SCAPER: variants seen among roughly 807,000 people sequenced by gnomAD.
The protein encoded by SCAPER is S-phase cyclin A associated protein in the ER.
In SCAPER, 98 loss-of-function variants were observed where a neutral mutation model predicts 182.2. The ratio of observed to expected loss-of-function variants is 0.54; its 90% confidence interval spans 0.46 to 0.64. The LOEUF (loss-of-function observed/expected upper bound fraction) is 0.64, where lower values mean the gene tolerates loss of function less well. Among genes scored for constraint, SCAPER ranks in the 30% least tolerant of loss-of-function variants. SCAPER has a pLI of 0.00. For synonymous variants in SCAPER, 605 were observed against 564.6 expected (o/e 1.07, Z -1.01); for missense variants, 1,432 against 1,690.0 (o/e 0.85, Z 2.68).
intron 25 of SCAPER, among the ~76,000 whole-genome samples, chr15:76,453,625 T>A (rs538491225): frequency 6.6e-6 from 1 of 152,358 alleles, no homozygotes; most frequent in South Asian, 2.1e-4. Flanking sequence ...TAACTGATAC[T>A]GTTTACTTTG....
At chr15:76,837,580 T>C (rs1378441098) in intron 5 of SCAPER, among the ~76,000 whole-genome samples, 4 of 152,178 alleles carry the variant, frequency 2.6e-5, no homozygotes, top group African/African-American at 2.4e-5. Context: ...TCCCACGATA[T>C]GTGGAGATTA....
At chr15:76,839,555 A>G (rs559622577) in intron 5 of SCAPER, among the ~76,000 whole-genome samples, 1 of 152,368 alleles carries the variant, frequency 6.6e-6, no homozygotes, top group African/African-American at 2.4e-5. Flanking sequence ...AGAAGAGTAG[A>G]ATATAAAAAT....
Position 76,439,945 on chromosome 15 carries a change from A to G in SCAPER, c.3079-5635T>C, listed in dbSNP as rs115747685. 2.4e-3 allele frequency among the ~76,000 whole-genome samples: 366 copies of G among 152,344 alleles called. 2 individuals are homozygous for G. The highest frequency in any genetic ancestry group is 8.6e-3 in the African/African-American group (357 of 41,578). ...TATTTCCTTTAGAATATTTCTTTAG[A>G]ATACACTAGAGTGGTCATTATCTTA... is the stretch of plus-strand genomic sequence containing the variant. On this transcript the variant is annotated intron_variant, in intron 25 of 31. Coordinates refer to ENST00000563290, the MANE Select transcript of SCAPER (RefSeq NM_020843.4).
intron 2 of SCAPER, among the ~76,000 whole-genome samples, chr15:76,871,847 T>G (rs1468064295): frequency 6.6e-6 from 1 of 152,092 alleles, no homozygotes; most frequent in African/African-American, 2.4e-5. Context: ...CGCCTCAGCC[T>G]CCCAAAGTGC....
At chr15:76,526,300 T>C (rs1447556064) in intron 23 of SCAPER, among the ~76,000 whole-genome samples, 2 of 152,202 alleles carry the variant, frequency 1.3e-5, no homozygotes, top group African/African-American at 2.4e-5. Flanking sequence ...TTTGAACATA[T>C]TGCTGTATTG....
chr15:76,461,766 TTCTTTC>T (rs1238489164), intron 25 of SCAPER, among the ~76,000 whole-genome samples: 1 of 152,182 alleles, frequency 6.6e-6, no homozygotes, highest in Non-Finnish European at 1.5e-5. Flanking sequence ...AATGCACATC[TTCTTTC>T]TCTTTATGTC....
In SCAPER at chr15:76,883,547, T is replaced by C. The variant is rs1320465476; in HGVS notation, c.6+265A>G. On this transcript the variant is annotated intron_variant, in intron 2 of 31. Coordinates refer to ENST00000563290, the MANE Select transcript of SCAPER (RefSeq NM_020843.4). ...CATCCATTGATTTGTAACTATTTAA[T>C]ATTAAGAAATTTTAAAAGCTGGCTT... 5.3e-5 allele frequency among the ~76,000 whole-genome samples: 8 copies of C among 152,198 alleles called. 1 individual carries two copies. In the South Asian group the frequency reaches 1.2e-3, roughly 24 times the overall value.
chr15:76,746,994 T>A (rs2061829641), intron 15 of SCAPER, among the ~76,000 whole-genome samples: 1 of 152,194 alleles, frequency 6.6e-6, no homozygotes, highest in South Asian at 2.1e-4. Context: ...TTTTTGCAGA[T>A]ACGAAAAACC....
rs77909158 is a variant in SCAPER at position 76,690,511 on chromosome 15, G to A, written c.2508+11247C>T. 7.9e-3 allele frequency among the ~76,000 whole-genome samples: 1,202 copies of A among 152,206 alleles called. 11 individuals are homozygous for A. The highest frequency in any genetic ancestry group is 0.027 in the African/African-American group (1,141 of 41,544). ...AAATCCAAATAAAGTCTGGTGTTTA[G>A]TTATATTAATGTACCACTGTTTATT... On this transcript the variant is annotated intron_variant, in intron 20 of 31. Transcript: ENST00000563290.
intron 8 of SCAPER, among the ~76,000 whole-genome samples, chr15:76,792,211 C>T (rs2065047685): frequency 6.6e-6 from 1 of 152,036 alleles, no homozygotes; most frequent in Non-Finnish European, 1.5e-5. Context: ...GACTTTCATC[C>T]TCACTTCTTC....
intron 14 of SCAPER, among the ~76,000 whole-genome samples, chr15:76,758,628 G>A (rs777515306): frequency 2.6e-5 from 4 of 152,072 alleles, no homozygotes; most frequent in Non-Finnish European, 5.9e-5. Flanking sequence ...AAAAACAAAT[G>A]GTTGGGATTT....
intron 25 of SCAPER, among the ~76,000 whole-genome samples, chr15:76,466,507 G>C (rs1315216604): frequency 7.4e-6 from 1 of 135,648 alleles, no homozygotes; most frequent in African/African-American, 2.7e-5. Context: ...AGCTCATACA[G>C]CATCTTTATG....
chr15:76,481,769 T>C (rs542962080), intron 24 of SCAPER, among the ~76,000 whole-genome samples: 5 of 152,234 alleles, frequency 3.3e-5, no homozygotes, highest in Non-Finnish European at 7.3e-5. Context: ...CCTAAGTGTG[T>C]ATCTCCAGCA....
chr15:76,654,402 C>T (rs1368149534), intron 21 of SCAPER, among the ~76,000 whole-genome samples: 1 of 151,936 alleles, frequency 6.6e-6, no homozygotes, highest in South Asian at 2.1e-4. Flanking sequence ...AGCGAGACTC[C>T]GTCTCAAAAC....
chr15:76,697,420 G>A (rs2058708643), intron 20 of SCAPER, among the ~76,000 whole-genome samples: 1 of 152,052 alleles, frequency 6.6e-6, no homozygotes, highest in African/African-American at 2.4e-5. Flanking sequence ...AACCATAATG[G>A]CTAAACATAA....
At chr15:76,613,377 C>T (rs551767586) in intron 22 of SCAPER, among the ~76,000 whole-genome samples, 14 of 152,214 alleles carry the variant, frequency 9.2e-5, no homozygotes, top group South Asian at 2.1e-4. Context: ...GATTTCATGA[C>T]GAAGACACCA....
intron 25 of SCAPER, among the ~76,000 whole-genome samples, chr15:76,452,901 G>C (rs2048471780): frequency 6.6e-6 from 1 of 151,856 alleles, no homozygotes; most frequent in African/African-American, 2.4e-5. Flanking sequence ...TGCAATTATA[G>C]CCTACTGCAA....
intron 26 of SCAPER, among the ~76,000 whole-genome samples, chr15:76,409,080 G>A (rs1361004194): frequency 1.3e-5 from 2 of 152,056 alleles, no homozygotes; most frequent in African/African-American, 4.8e-5. Context: ...TTTCTAAATT[G>A]CCTATGTCTT....
chr15:76,690,392 C>G (rs2058288291), intron 20 of SCAPER, among the ~76,000 whole-genome samples: 1 of 151,994 alleles, frequency 6.6e-6, no homozygotes, highest in Non-Finnish European at 1.5e-5. Context: ...TGTCACAAAC[C>G]AGAGAGTACC....
Sources: allele counts gnomAD v4.1 joint callset (sites outside exome capture counted in the v4.1 genomes callset), GRCh38; gene constraint gnomAD v4.1.1; transcripts MANE v1.5; gene names NCBI Gene and HGNC (gene_info 2026-07-23, HGNC 2026-07-21).